The following ANK3 variants were observed in gnomAD, a reference collection of about 807,000 sequenced individuals.
The protein encoded by ANK3 is ankyrin-3.
Under a neutral mutation model 370.9 loss-of-function variants are expected in ANK3, and 57 were observed. The ratio of observed to expected loss-of-function variants is 0.15; its 90% confidence interval spans 0.12 to 0.19. The LOEUF (loss-of-function observed/expected upper bound fraction) is 0.19. Among genes scored for constraint, ANK3 ranks in the 10% least tolerant of loss-of-function variants. The probability of loss-of-function intolerance (pLI) is 1.00; values close to 1 mark genes in which losing one functional copy is unlikely to be tolerated. For missense variants in ANK3, 4,439 were observed against 5,302.1 expected, an observed-to-expected ratio of 0.84 and a Z score of 5.06; for synonymous variants, 1,929 against 1,946.3, an observed-to-expected ratio of 0.99 and a Z score of 0.23.
At chr10:60,451,635 C>A (rs1244480599) in intron 2 of ANK3, among the ~76,000 whole-genome samples, 1 of 152,208 alleles carries the variant, frequency 6.6e-6, no homozygotes, top group Non-Finnish European at 1.5e-5. Flanking sequence ...TCCCCAACTG[C>A]CTATACCTAT....
At chr10:60,348,862 A>G (rs1339649655) in intron 1 of ANK3, among the ~76,000 whole-genome samples, 1 of 152,238 alleles carries the variant, frequency 6.6e-6, no homozygotes, top group Non-Finnish European at 1.5e-5. Context: ...TAAGGTCTCC[A>G]TAATTGTACA....
intron 2 of ANK3, among the ~76,000 whole-genome samples, chr10:60,444,251 G>A (rs1470157188): frequency 6.6e-6 from 1 of 151,934 alleles, no homozygotes; most frequent in East Asian, 1.9e-4. Flanking sequence ...CCCAGCTAGA[G>A]AGCAAAACTG....
chr10:60,059,798 G>A (rs12356776), intron 40 of ANK3: 50,722 of 1,614,178 alleles, frequency 0.031, 973 homozygotes, highest in South Asian at 0.05. Context: ...CTAAGGAAGC[G>A]TCTTCTGCAG....
chr10:60,076,548 A>G, intron 36 of ANK3, 100 bp from the exon 37 acceptor site: 2 of 1,409,264 alleles, frequency 1.4e-6, no homozygotes, highest in African/African-American at 2.9e-5. Context: ...AAACTTTGAA[A>G]TATTACAAAA....
chr10:60,504,916 G>A (rs554739244), intron 2 of ANK3, among the ~76,000 whole-genome samples: 2 of 152,240 alleles, frequency 1.3e-5, no homozygotes, highest in Non-Finnish European at 2.9e-5. Flanking sequence ...GCATATGTGA[G>A]CCATAAGGGA....
chr10:60,477,516 T>TACACACACACACAC (rs761752696), intron 2 of ANK3, among the ~76,000 whole-genome samples: 6 of 122,604 alleles, frequency 4.9e-5, no homozygotes, highest in African/African-American at 9.2e-5. Context: ...CAGACAGACA[T>TACACACACACACAC]ACACACACAC....
At chr10:60,290,379 CT>C (rs2041054134) in intron 1 of ANK3, among the ~76,000 whole-genome samples, 1 of 146,552 alleles carries the variant, frequency 6.8e-6, no homozygotes, top group African/African-American at 2.5e-5. Context: ...TAGGAAAGAC[CT>C]CAGATTATTA....
intron 1 of ANK3, among the ~76,000 whole-genome samples, chr10:60,326,680 T>C (rs1263235295): frequency 1.3e-5 from 2 of 152,154 alleles, no homozygotes; most frequent in East Asian, 3.9e-4. Context: ...ACTCAGTGAT[T>C]TAAATGAATA....
chr10:60,418,366 C>A (rs991371665), intron 2 of ANK3, among the ~76,000 whole-genome samples: 14 of 152,178 alleles, frequency 9.2e-5, no homozygotes, highest in Admixed American at 2.6e-4. Context: ...ATCTGCTACA[C>A]CTGCGCCTAA....
chr10:60,391,279 C>T (rs920814288), upstream of ANK3, among the ~76,000 whole-genome samples: 15 of 152,146 alleles, frequency 9.9e-5, no homozygotes, highest in Non-Finnish European at 1.6e-4. Context: ...GCTTGACTTC[C>T]ACACAAACTA....
chr10:60,357,134 C>A (rs146662078), intron 1 of ANK3, among the ~76,000 whole-genome samples: 27 of 152,334 alleles, frequency 1.8e-4, no homozygotes, highest in African/African-American at 6.5e-4. Context: ...GCTTTCTTTG[C>A]AGCTTCAACA....
chr10:60,254,055 T>A (rs1013758984), intron 7 of ANK3, among the ~76,000 whole-genome samples: 1 of 152,174 alleles, frequency 6.6e-6, no homozygotes, highest in African/African-American at 2.4e-5. Flanking sequence ...CCAAAACCCA[T>A]GGATGCTCAA....
rs138573366 is a variant in ANK3, at chr10:60,490,845, T to C, written c.96+124341A>G. ...AAGTGTTCAGGTTAGTCAGTTTTGA[T>C]AATTGTCTAAACTTATGTAAAAATC... On this transcript the variant is annotated intron_variant, in intron 2 of 43. Coordinates refer to the ANK3 transcript ENST00000373827. 3.2e-3 allele frequency among the ~76,000 whole-genome samples: 483 copies of C among 152,326 alleles called. 2 individuals are homozygous for C. Among genetic ancestry groups the C allele is most frequent in the African/African-American group, 0.011 (452 of 41,582 alleles).
chr10:60,403,518 A>T (rs1343626511), intron 2 of ANK3, among the ~76,000 whole-genome samples: 1 of 152,384 alleles, frequency 6.6e-6, no homozygotes, highest in African/African-American at 2.4e-5. Flanking sequence ...TCATTTACAC[A>T]TAATGGTGAA....
At chr10:60,264,406 G>A (rs1166736201) in intron 5 of ANK3, among the ~76,000 whole-genome samples, 1 of 152,104 alleles carries the variant, frequency 6.6e-6, no homozygotes, top group Non-Finnish European at 1.5e-5. Context: ...AGCACTTTGG[G>A]AGGCAGAGGC....
At chr10:60,144,314 G>C (rs571704183) in intron 23 of ANK3, 56 of 345,202 alleles carry the variant, frequency 1.6e-4, no homozygotes, top group Admixed American at 9.9e-4. Flanking sequence ...ATTAGAGTTA[G>C]CTCTGTAGTG....
chr10:60,240,313 T>TTTTTTTTTTCTTTTTGAGATAGAG (rs2097433041), intron 7 of ANK3, among the ~76,000 whole-genome samples: 1 of 145,398 alleles, frequency 6.9e-6, no homozygotes, highest in South Asian at 2.1e-4. Flanking sequence ...TATATTTTTT[T>TTTTTTTTTTCTTTTTGAGATAGAG]TTCTTTTTGA....
chr10:60,668,721 C>T (rs10994469), intron 1 of ANK3, among the ~76,000 whole-genome samples: 22,311 of 152,096 alleles, frequency 0.15, 2,080 homozygotes, highest in South Asian at 0.26. Context: ...TGACCAAGCA[C>T]GGTGGCTCAC....
chr10:60,424,351 G>A (rs2063836337), intron 2 of ANK3, among the ~76,000 whole-genome samples: 1 of 151,720 alleles, frequency 6.6e-6, no homozygotes, highest in Admixed American at 6.6e-5. Flanking sequence ...CTAATTTTAG[G>A]GAAAAAAATA....
Sources: gnomAD v4.1 joint callset for allele counts (sites outside exome capture counted in the v4.1 genomes callset) on GRCh38, gnomAD v4.1.1 for gene constraint, MANE v1.5 for transcripts, NCBI Gene and HGNC (gene_info 2026-07-23, HGNC 2026-07-21) for gene names.